DACH1: variants seen among roughly 807,000 people sequenced by gnomAD.
DACH1 encodes dachshund homolog 1.
In DACH1, 12 loss-of-function variants were observed where a neutral mutation model predicts 54.2. The observed-to-expected ratio is 0.22, with a 90% CI of 0.14 to 0.36. The LOEUF is 0.36. Among genes scored for constraint, DACH1 ranks in the 10% least tolerant of loss-of-function variants. The pLI is 1.00. For missense variants in DACH1, 805 were observed against 929.8 expected (o/e 0.87, Z 1.75); for synonymous variants, 386 against 366.2 (o/e 1.05, Z -0.62).
At chr13:71,863,140 A>G (rs1406314371) in intron 1 of DACH1, among the ~76,000 whole-genome samples, 1 of 152,256 alleles carries the variant, frequency 6.6e-6, no homozygotes, top group East Asian at 1.9e-4. Context: ...TTATAAATGC[A>G]AGATGCAAAA....
intron 1 of DACH1, among the ~76,000 whole-genome samples, chr13:71,735,944 G>A (rs979106512): frequency 1.3e-5 from 2 of 152,048 alleles, no homozygotes; most frequent in Non-Finnish European, 2.9e-5. Context: ...ATTTTTGGCA[G>A]CTGCAAATGA....
intron 6 of DACH1, among the ~76,000 whole-genome samples, chr13:71,533,629 C>T (rs1473078499): frequency 2.0e-5 from 3 of 151,848 alleles, no homozygotes; most frequent in African/African-American, 7.3e-5. Context: ...GATATTTTCA[C>T]TCTCTCTTTA....
At position 71,866,038 on chromosome 13, in the gene DACH1, A is replaced by G. The variant is rs979497715; in HGVS notation, c.732T>C (p.Asn244=). 1.9e-6 allele frequency: 3 copies of G among 1,613,356 alleles called. No individual in the cohort carries two copies. The highest frequency in any genetic ancestry group is 2.7e-5 in the African/African-American group (2 of 74,734). ...CCCTCAGGATGCGAACTTGTTCCAC[A>G]TTGCACACCACCGGCGTGATCTCCA... ...KRLEITPVVC[N]VEQVRILRGL... is the part of the protein sequence containing the mutation. Residue 244 remains asparagine (N), a synonymous_variant, in exon 1 of 11, where the codon AAT becomes AAC. Transcript: ENST00000613252.
chr13:71,712,999 G>C (rs1882795497), intron 1 of DACH1, among the ~76,000 whole-genome samples: 1 of 151,710 alleles, frequency 6.6e-6, no homozygotes, highest in Admixed American at 6.6e-5. Flanking sequence ...TTTCTCTGAT[G>C]CAATGTTTAA....
chr13:71,754,907 T>C (rs1885080234), intron 1 of DACH1, among the ~76,000 whole-genome samples: 1 of 152,164 alleles, frequency 6.6e-6, no homozygotes, highest in African/African-American at 2.4e-5. Flanking sequence ...TTGGGTCACA[T>C]CGCTTTTAAT....
intron 3 of DACH1, among the ~76,000 whole-genome samples, chr13:71,576,715 T>C (rs1885549085): frequency 6.6e-6 from 1 of 152,280 alleles, no homozygotes; most frequent in African/African-American, 2.4e-5. Flanking sequence ...ATTCTGTCCC[T>C]TAAGAGCCTT....
At position 71,570,504 on chromosome 13, in the gene DACH1, G is replaced by T. The variant is rs1172735487; in HGVS notation, c.1299+2336C>A. On this transcript the variant is annotated intron_variant, in intron 4 of 10. Transcript: ENST00000613252. ...GTAATCATTCTCAATTAGAGCCATT[G>T]TTCCCTATTTGGCTGCTACTATTAC... Among the ~76,000 whole-genome samples the T allele has an allele frequency of 1.3e-5, 2 of 152,072 alleles. 1 individual carries two copies. The highest frequency in any genetic ancestry group is 4.1e-4 in the South Asian group (2 of 4,826).
At chr13:71,691,642 G>A (rs1242329731) in intron 1 of DACH1, among the ~76,000 whole-genome samples, 1 of 152,054 alleles carries the variant, frequency 6.6e-6, no homozygotes, top group Non-Finnish European at 1.5e-5. Flanking sequence ...TGGCAATCTG[G>A]CTTCAGATGC....
chr13:71,527,617 G>T (rs890620820), intron 6 of DACH1, among the ~76,000 whole-genome samples: 1 of 152,190 alleles, frequency 6.6e-6, no homozygotes, highest in African/African-American at 2.4e-5. Flanking sequence ...CAATGAGAGG[G>T]ATATGAGCAC....
chr13:71,628,804 T>A (rs951316355), intron 3 of DACH1, among the ~76,000 whole-genome samples: 5 of 152,232 alleles, frequency 3.3e-5, no homozygotes, highest in African/African-American at 1.2e-4. Context: ...TGAACCATGT[T>A]CTCTTTATCT....
chr13:71,671,893 CAATTTATTCTATCA>C (rs1880229709), intron 2 of DACH1, among the ~76,000 whole-genome samples: 1 of 152,074 alleles, frequency 6.6e-6, no homozygotes, highest in African/African-American at 2.4e-5. Flanking sequence ...GACTTCTCTG[CAATTTATTCTATCA>C]GATTTCTGTC....
At chr13:71,836,875 G>A (rs1888807668) in intron 1 of DACH1, among the ~76,000 whole-genome samples, 1 of 151,898 alleles carries the variant, frequency 6.6e-6, no homozygotes, top group African/African-American at 2.4e-5. Flanking sequence ...CTAACCATGA[G>A]TGCTAGAATT....
intron 1 of DACH1, among the ~76,000 whole-genome samples, chr13:71,824,116 C>T (rs1395539099): frequency 6.6e-6 from 1 of 151,738 alleles, no homozygotes; most frequent in Admixed American, 6.6e-5. Context: ...ATATGTGTTA[C>T]CTACGTTGAG....
At chr13:71,576,221 T>C (rs535887364) in intron 3 of DACH1, among the ~76,000 whole-genome samples, 26 of 152,256 alleles carry the variant, frequency 1.7e-4, no homozygotes, top group Non-Finnish European at 3.2e-4. Context: ...TTAACTGCTA[T>C]TAAGAATATA....
chr13:71,545,277 A>T (rs1032027761), intron 6 of DACH1, among the ~76,000 whole-genome samples: 2 of 152,062 alleles, frequency 1.3e-5, no homozygotes, highest in Admixed American at 6.6e-5. Context: ...TTCCAGTGAT[A>T]GTCATCTCTT....
At chr13:71,557,243 T>C (rs1772470785) in intron 5 of DACH1, 85 bp from the exon 6 acceptor site, 2 of 1,232,464 alleles carry the variant, frequency 1.6e-6, no homozygotes, top group African/African-American at 1.6e-5. Context: ...TTAAACTCTC[T>C]TGGACTCAAC....
intron 6 of DACH1, among the ~76,000 whole-genome samples, chr13:71,556,705 C>G (rs982300726): frequency 6.6e-6 from 1 of 151,686 alleles, no homozygotes; most frequent in Admixed American, 6.6e-5. Context: ...AGTAAAATGA[C>G]AGTGACCCTG....
chr13:71,477,843 C>T (rs1593757052), intron 8 of DACH1, among the ~76,000 whole-genome samples: 1 of 152,158 alleles, frequency 6.6e-6, no homozygotes, highest in African/African-American at 2.4e-5. Context: ...TAGGCACATT[C>T]ATAATAGATA....
intron 10 of DACH1, among the ~76,000 whole-genome samples, chr13:71,449,036 A>G (rs1874744756): frequency 1.3e-5 from 2 of 152,146 alleles, no homozygotes; most frequent in Admixed American, 6.5e-5. Context: ...AATACACCAC[A>G]ATAAGAAATA....
Sources: gnomAD v4.1 joint callset for allele counts (sites outside exome capture counted in the v4.1 genomes callset) on GRCh38, gnomAD v4.1.1 for gene constraint, MANE v1.5 for transcripts, NCBI Gene and HGNC (gene_info 2026-07-23, HGNC 2026-07-21) for gene names.